The following DRC11 variants were observed in gnomAD, a reference collection of about 807,000 sequenced individuals.
DRC11 encodes the protein dynein regulatory complex subunit 11.
At chr2:236,391,868 G>A in the DRC11 span, 1 of 851,982 alleles carries the variant, frequency 1.2e-6, no homozygotes, top group Non-Finnish European at 2.0e-6. This position sits in a 1 kb window ranked among gnomAD's most constrained non-coding sequence, Gnocchi z 4.5. Context: ...CCCGTGAGGT[G>A]TCCTGGCAAC....
At chr2:236,354,746 A>G in the DRC11 span, among the ~76,000 whole-genome samples, 1 of 152,188 alleles carries the variant, frequency 6.6e-6, no homozygotes. Context: ...GGTGATTGAC[A>G]GCCTGCAGAG....
chr2:236,465,687 T>C, the DRC11 span: 1 of 1,611,732 alleles, frequency 6.2e-7, no homozygotes, highest in South Asian at 1.1e-5. The surrounding 1 kb of genome is among the most constrained non-coding windows in gnomAD (Gnocchi z 6.2). Context: ...TAGCACTGAC[T>C]TCATTAAAGA....
At chr2:236,419,072 T>C in the DRC11 span, 16 of 1,458,288 alleles carry the variant, frequency 1.1e-5, no homozygotes, top group Non-Finnish European at 1.3e-5. This position sits in a 1 kb window ranked among gnomAD's most constrained non-coding sequence, Gnocchi z 4.8. Context: ...TTTGTAAATA[T>C]CTCATTGACT....
At chr2:236,496,527 G>A in the DRC11 span, among the ~76,000 whole-genome samples, 21 of 152,220 alleles carry the variant, frequency 1.4e-4, no homozygotes, top group Admixed American at 5.2e-4. The surrounding 1 kb of genome is among the most constrained non-coding windows in gnomAD (Gnocchi z 6.3). Context: ...CGGCAGGAAC[G>A]TCGGAGGGCA....
At chr2:236,362,166 C>T in the DRC11 span, among the ~76,000 whole-genome samples, 1 of 152,116 alleles carries the variant, frequency 6.6e-6, no homozygotes, top group East Asian at 1.9e-4. This position sits in a 1 kb window ranked among gnomAD's most constrained non-coding sequence, Gnocchi z 5.7. Flanking sequence ...TGGAGAGCTC[C>T]TCAAAATTCT....
chr2:236,324,212 A>T, the DRC11 span: 17,827 of 152,402 alleles, frequency 0.12, 2,677 homozygotes, highest in African/African-American at 0.35. The surrounding 1 kb of genome is among the most constrained non-coding windows in gnomAD (Gnocchi z 5.7). Flanking sequence ...GAATTAATTT[A>T]TTAAAATAGA....
the DRC11 span, among the ~76,000 whole-genome samples, chr2:236,450,908 T>C: frequency 8.1e-4 from 124 of 152,340 alleles, 3 homozygotes; most frequent in East Asian, 0.021. Context: ...TTAACAATTA[T>C]GTTTTCAAGT....
the DRC11 span, among the ~76,000 whole-genome samples, chr2:236,485,830 C>A: frequency 9.2e-5 from 14 of 152,152 alleles, no homozygotes; most frequent in Non-Finnish European, 1.9e-4. Context: ...GGGGCTCGGG[C>A]AGAGGAGTCA....
chr2:236,491,132 T>C, the DRC11 span, among the ~76,000 whole-genome samples: 1 of 113,432 alleles, frequency 8.8e-6, no homozygotes, highest in Non-Finnish European at 1.7e-5. Context: ...TGTATATATA[T>C]ATATATACAG....
the DRC11 span, among the ~76,000 whole-genome samples, chr2:236,468,099 T>C: frequency 6.6e-6 from 1 of 152,118 alleles, no homozygotes; most frequent in Non-Finnish European, 1.5e-5. Context: ...TGAGAACATA[T>C]AACTTTTCTT....
the DRC11 span, among the ~76,000 whole-genome samples, chr2:236,434,925 A>G: frequency 6.6e-6 from 1 of 152,218 alleles, no homozygotes; most frequent in Non-Finnish European, 1.5e-5. The surrounding 1 kb of genome is among the most constrained non-coding windows in gnomAD (Gnocchi z 5.5). Flanking sequence ...ACCCCAAATC[A>G]AAATGACAAT....
At chr2:236,375,186 C>A in the DRC11 span, among the ~76,000 whole-genome samples, 229 of 152,256 alleles carry the variant, frequency 1.5e-3, 1 homozygote, top group African/African-American at 4.8e-3. This position sits in a 1 kb window ranked among gnomAD's most constrained non-coding sequence, Gnocchi z 4.2. Flanking sequence ...CAGATCTAAA[C>A]CACATCAAAG....
chr2:236,359,721 A>C, the DRC11 span, among the ~76,000 whole-genome samples: 6 of 152,098 alleles, frequency 3.9e-5, no homozygotes, highest in African/African-American at 1.4e-4. This position sits in a 1 kb window ranked among gnomAD's most constrained non-coding sequence, Gnocchi z 4.3. Context: ...GCCTTTGGTT[A>C]ATTAAAAGCA....
the DRC11 span, among the ~76,000 whole-genome samples, chr2:236,395,454 GA>G: frequency 2.0e-5 from 3 of 152,222 alleles, no homozygotes; most frequent in Non-Finnish European, 4.4e-5. Context: ...CTAATATGTG[GA>G]AGTTCGTTCT....
chr2:236,465,648 G>A, the DRC11 span: 2 of 1,613,786 alleles, frequency 1.2e-6, no homozygotes, highest in South Asian at 1.1e-5. The surrounding 1 kb of genome is among the most constrained non-coding windows in gnomAD (Gnocchi z 6.2). Flanking sequence ...CATTCCGCAG[G>A]CGGTCCACCT....
chr2:236,424,741 A>G, the DRC11 span, among the ~76,000 whole-genome samples: 1 of 151,774 alleles, frequency 6.6e-6, no homozygotes, highest in Non-Finnish European at 1.5e-5. Context: ...ATGCTGGACA[A>G]TACATCTCCA....
At chr2:236,363,751 A>C in the DRC11 span, 1 of 1,499,996 alleles carries the variant, frequency 6.7e-7, no homozygotes, top group African/African-American at 1.4e-5. This position sits in a 1 kb window ranked among gnomAD's most constrained non-coding sequence, Gnocchi z 5.6. Context: ...GAGGGAGGAG[A>C]GTTGGAAACC....
chr2:236,406,024 G>A, the DRC11 span, among the ~76,000 whole-genome samples: 1 of 152,188 alleles, frequency 6.6e-6, no homozygotes, highest in African/African-American at 2.4e-5. This position sits in a 1 kb window ranked among gnomAD's most constrained non-coding sequence, Gnocchi z 4.7. Context: ...TTAAAAAGCT[G>A]GTTTATGGAA....
the DRC11 span, among the ~76,000 whole-genome samples, chr2:236,386,449 T>C: frequency 6.6e-6 from 1 of 151,602 alleles, no homozygotes; most frequent in Non-Finnish European, 1.5e-5. Flanking sequence ...TTTATTTGCG[T>C]AGAGGTGTTT....
Sources: allele counts gnomAD v4.1 joint callset (sites outside exome capture counted in the v4.1 genomes callset), GRCh38; gene constraint gnomAD v4.1.1; non-coding constraint Gnocchi (gnomAD v3.1); transcripts MANE v1.5; gene names NCBI Gene and HGNC (gene_info 2026-07-23, HGNC 2026-07-21).